The following DDX60L variants were observed in gnomAD, a reference collection of about 807,000 sequenced individuals.
DDX60L encodes the protein probable ATP-dependent RNA helicase DDX60-like.
A neutral mutation model predicts 211.6 loss-of-function variants in DDX60L; 191 were observed. The ratio of observed to expected loss-of-function variants is 0.90; its 90% CI spans 0.80 to 1.02. DDX60L has a LOEUF of 1.02. Ranked by LOEUF, DDX60L falls within the 50% of genes least tolerant of loss-of-function variation. The probability of loss-of-function intolerance (pLI) is 0.00; values close to 1 mark genes in which losing one functional copy is unlikely to be tolerated. For missense variants in DDX60L, 2,007 were observed against 1,984.1 expected (o/e 1.01, Z -0.22); for synonymous variants, 706 against 694.1 (o/e 1.02, Z -0.27).
chr4:168,381,161 T>C (rs1389949042), intron 30 of DDX60L, among the ~76,000 whole-genome samples: 1 of 152,216 alleles, frequency 6.6e-6, no homozygotes, highest in Non-Finnish European at 1.5e-5. Flanking sequence ...ATATGCAGCC[T>C]AGCCATGTGG....
intron 28 of DDX60L, among the ~76,000 whole-genome samples, chr4:168,392,620 G>A (rs7663825): frequency 0.031 from 4,747 of 152,150 alleles, 259 homozygotes; most frequent in African/African-American, 0.11. Context: ...AAGGCAGGCC[G>A]ATCACCTGAG....
At chr4:168,399,399 GCCTGGTC>G (rs1560989492) in intron 26 of DDX60L, among the ~76,000 whole-genome samples, 2 of 152,136 alleles carry the variant, frequency 1.3e-5, no homozygotes, top group African/African-American at 4.8e-5. Context: ...CTTGCAGTAC[GCCTGGTC>G]CAGCCCCAGC....
intron 33 of DDX60L, among the ~76,000 whole-genome samples, chr4:168,375,861 G>C (rs1468809665): frequency 1.3e-5 from 2 of 152,196 alleles, no homozygotes. Context: ...TGTAGCAGTA[G>C]TAGCGTCAAT....
intron 29 of DDX60L, among the ~76,000 whole-genome samples, chr4:168,388,827 C>T (rs4299547): frequency 0.099 from 15,046 of 152,110 alleles, 1,084 homozygotes; most frequent in Admixed American, 0.14. Flanking sequence ...GGGCAACAGG[C>T]TGGTTTGAAT....
At chr4:168,453,617 T>C (rs1756111511) in intron 7 of DDX60L, among the ~76,000 whole-genome samples, 1 of 152,140 alleles carries the variant, frequency 6.6e-6, no homozygotes, top group South Asian at 2.1e-4. Context: ...TGAAGAGTAA[T>C]ATCTACAAAC....
chr4:168,472,654 T>C lies in DDX60L; in HGVS notation c.4+42A>G, dbSNP rs779209601. On this transcript the variant is annotated intron_variant, in intron 2 of 37. Transcript: ENST00000682922. Reference sequence around the variant, plus strand: ...TATTGAATCTGAATATCTTACAAGATTGTTGCTTTATAGGCTACAAATATC... The same window carrying C: ...TATTGAATCTGAATATCTTACAAGACTGTTGCTTTATAGGCTACAAATATC... 3 of 1,610,148 alleles carry C rather than the reference T, an allele frequency of 1.9e-6. No individual in the cohort carries two copies. The South Asian group carries it at 3.3e-5, about 18-fold the overall frequency.
At position 168,420,252 on chromosome 4, in the gene DDX60L, A is replaced by G. The variant is rs373936699; in HGVS notation, c.2514+9T>C. ...TTTGATAATAAACTCATTAATTAAT[A>G]TGTCATACCTGACAGTTTAGTACAT... On this transcript the variant is annotated intron_variant, in intron 18 of 37. Transcript: ENST00000682922. The G allele has an allele frequency of 1.3e-6, 2 of 1,559,964 alleles. No homozygotes were observed. Among genetic ancestry groups the G allele is most frequent in the Non-Finnish European group, 1.7e-6 (2 of 1,156,450 alleles).
At chr4:168,404,145 G>T (rs1579415239) in intron 24 of DDX60L, 39 bp from the exon 25 acceptor site, 3 of 963,042 alleles carry the variant, frequency 3.1e-6, no homozygotes, top group African/African-American at 3.6e-5. Context: ...AAAAAAAAAA[G>T]AATTTGTGGA....
chr4:168,375,602 C>G (rs1018131217), intron 33 of DDX60L, 78 bp from the exon 34 acceptor site: 1 of 1,337,802 alleles, frequency 7.5e-7, no homozygotes, highest in East Asian at 2.6e-5. Context: ...AAGATTGCAG[C>G]ATAGTTCTGT....
intron 9 of DDX60L, among the ~76,000 whole-genome samples, chr4:168,442,377 C>T (rs886626842): frequency 6.6e-6 from 1 of 152,154 alleles, no homozygotes; most frequent in African/African-American, 2.4e-5. Context: ...TCGCTGATTG[C>T]TAGCACAGCA....
Position 168,394,065 on chromosome 4 carries a change from C to T in DDX60L, c.3810+400G>A, listed in dbSNP as rs547225529. 1.2e-4 allele frequency among the ~76,000 whole-genome samples: 19 copies of T among 152,068 alleles called. No individual in the cohort carries two copies. The East Asian group carries it at 3.3e-3, about 26-fold the overall frequency. On this transcript the variant is annotated intron_variant, in intron 28 of 37. Transcript: ENST00000682922. ...AAAAAATTAACTGAGCATGATGGTG[C>T]GCGCTTGTAATCCCAGCTACACGGG... is the stretch of plus-strand genomic sequence containing the variant.
In DDX60L at chr4:168,420,390, A is replaced by T; in HGVS notation, c.2395-10T>A. 4 of 1,600,716 alleles carry T rather than the reference A, an allele frequency of 2.5e-6. No homozygotes were observed. The highest frequency in any genetic ancestry group is 3.4e-6 in the Non-Finnish European group (4 of 1,176,266). ...CTTGACCAACAAGGGACTGATTGAC[A>T]AGAAAAAAAACCATTAGTCACTTAG... is the stretch of plus-strand genomic sequence containing the variant. On this transcript the variant is annotated splice_polypyrimidine_tract_variant and intron_variant, in intron 17 of 37. Coordinates refer to ENST00000682922, the MANE Select transcript of DDX60L (RefSeq NM_001012967.3).
At chr4:168,453,814 G>A (rs1381159670) in intron 7 of DDX60L, among the ~76,000 whole-genome samples, 3 of 152,146 alleles carry the variant, frequency 2.0e-5, no homozygotes, top group East Asian at 1.9e-4. Context: ...TCTTCATAGA[G>A]CAAAATTAGG....
At chr4:168,480,200 C>T (rs1368638571) in intron 1 of DDX60L, 177 bp downstream of exon 1, 1 of 152,468 alleles carries the variant, frequency 6.6e-6, no homozygotes, top group African/African-American at 2.4e-5. Context: ...CCTACCTCTC[C>T]GCGAAGCTGC....
intron 4 of DDX60L, among the ~76,000 whole-genome samples, chr4:168,466,300 T>C (rs1757981831): frequency 6.6e-6 from 1 of 151,734 alleles, no homozygotes. Context: ...AATCACTAAC[T>C]AGATTAATCA....
intron 29 of DDX60L, chr4:168,390,561 C>A: frequency 1.8e-6 from 2 of 1,098,684 alleles, no homozygotes; most frequent in East Asian, 2.9e-5. Flanking sequence ...AGGAAAATTT[C>A]AAGAATAAGC....
intron 6 of DDX60L, among the ~76,000 whole-genome samples, chr4:168,457,313 A>G (rs1756718045): frequency 6.6e-6 from 1 of 151,094 alleles, no homozygotes; most frequent in Non-Finnish European, 1.5e-5. Context: ...CACACACACA[A>G]TATGTCCTCA....
intron 26 of DDX60L, among the ~76,000 whole-genome samples, chr4:168,398,425 A>G (rs1447782300): frequency 6.6e-6 from 1 of 152,224 alleles, no homozygotes; most frequent in Non-Finnish European, 1.5e-5. Context: ...AGTGGGGGCT[A>G]AGAGCAGCTC....
At chr4:168,431,619 G>A (rs1405599276) in intron 12 of DDX60L, among the ~76,000 whole-genome samples, 1 of 151,404 alleles carries the variant, frequency 6.6e-6, no homozygotes, top group East Asian at 1.9e-4. Context: ...GAGTTAATGG[G>A]TGCAGCACAC....
Sources: gnomAD v4.1 joint callset for allele counts (sites outside exome capture counted in the v4.1 genomes callset) on GRCh38, gnomAD v4.1.1 for gene constraint, MANE v1.5 for transcripts, NCBI Gene and HGNC (gene_info 2026-07-23, HGNC 2026-07-21) for gene names.